GPBP1: variants seen among roughly 807,000 people sequenced by gnomAD.
GPBP1 encodes the protein vasculin.
GPBP1 carries 13 observed loss-of-function variants against 56.5 expected under a neutral mutation model. The ratio of observed to expected loss-of-function variants is 0.23; its 90% CI spans 0.15 to 0.37. GPBP1 has a LOEUF of 0.37. GPBP1 is among the 10% of genes least tolerant of loss of function. GPBP1 has a pLI of 1.00. For synonymous variants in GPBP1, 204 were observed against 188.9 expected (o/e 1.08, Z -0.66); for missense variants, 477 against 572.3 (o/e 0.83, Z 1.70).
intron 8 of GPBP1, among the ~76,000 whole-genome samples, chr5:57,248,070 G>T (rs541877163): frequency 4.6e-5 from 7 of 152,222 alleles, no homozygotes; most frequent in African/African-American, 1.4e-4. Flanking sequence ...AAACAATTAA[G>T]AAAATTGCAA....
At chr5:57,260,313 C>G (rs1741840385) in intron 10 of GPBP1, among the ~76,000 whole-genome samples, 1 of 152,118 alleles carries the variant, frequency 6.6e-6, no homozygotes, top group Non-Finnish European at 1.5e-5. Flanking sequence ...TCAGAATCAC[C>G]TCATCTTTTC....
chr5:57,184,625 C>T (rs1029915870), intron 2 of GPBP1, among the ~76,000 whole-genome samples: 2 of 152,156 alleles, frequency 1.3e-5, no homozygotes, highest in Non-Finnish European at 2.9e-5. Context: ...GTGCCGCCTT[C>T]AACATTGGGG....
Position 57,229,230 on chromosome 5 carries a change from CAAAAAAAAAAAAAAAAAAAAAAA to C in GPBP1, c.64-1601_64-1579del, listed in dbSNP as rs543005934. On this transcript the variant is annotated intron_variant, in intron 3 of 11. Transcript: ENST00000506184. ...TGGGCGACAGAACAAGACTCCATCT[CAAAAAAAAAAAAAAAAAAAAAAA>C]AAAAAAAAAAAAAAGGAGTTGTCTG... Among the ~76,000 whole-genome samples the C allele has an allele frequency of 3.4e-3, 261 of 77,424 alleles. 12 individuals carry two copies. In the East Asian group the frequency reaches 0.042, roughly 12 times the overall value. 50.8% of individuals were successfully genotyped at this position (77,424 alleles called of 152,430 possible). A position where few individuals can be genotyped will look rare whatever the true frequency, so the allele number is the denominator to read the frequency against.
chr5:57,186,647 C>G (rs1754299421), intron 2 of GPBP1, among the ~76,000 whole-genome samples: 1 of 152,106 alleles, frequency 6.6e-6, no homozygotes, highest in African/African-American at 2.4e-5. Flanking sequence ...TAACAGGTCT[C>G]TGCAGCTTTG....
chr5:57,248,021 C>T (rs1741176491), intron 8 of GPBP1, among the ~76,000 whole-genome samples: 5 of 152,154 alleles, frequency 3.3e-5, no homozygotes, highest in Admixed American at 2.6e-4. Flanking sequence ...GGATTACAGG[C>T]ATGATCCACC....
intron 2 of GPBP1, among the ~76,000 whole-genome samples, chr5:57,199,112 T>C (rs1754888192): frequency 6.6e-6 from 1 of 152,226 alleles, no homozygotes; most frequent in Admixed American, 6.5e-5. Context: ...TACAGTTCTT[T>C]TCTGTGTTCT....
At chr5:57,195,915 A>G (rs1001586834) in intron 2 of GPBP1, among the ~76,000 whole-genome samples, 18 of 141,888 alleles carry the variant, frequency 1.3e-4, no homozygotes, top group Admixed American at 1.1e-3. Context: ...AGGCAGAAGA[A>G]TCACCTGAAC....
At chr5:57,195,718 G>A (rs944440693) in intron 2 of GPBP1, among the ~76,000 whole-genome samples, 1 of 151,930 alleles carries the variant, frequency 6.6e-6, no homozygotes, top group Non-Finnish European at 1.5e-5. Flanking sequence ...ACGTTTTTCG[G>A]CTGGGCGCAG....
rs939101424 is a variant in GPBP1 at position 57,231,088 on chromosome 5, T to C, written c.188-10T>C. 3.7e-6 allele frequency: 6 copies of C among 1,607,550 alleles called. No individual in the cohort carries two copies. Among genetic ancestry groups the C allele is most frequent in the Non-Finnish European group, 5.1e-6 (6 of 1,176,400 alleles). On this transcript the variant is annotated splice_polypyrimidine_tract_variant and intron_variant, in intron 4 of 11. Transcript: ENST00000506184. ...TTGAATTTATATTACTTTGCTATTATCAAATAAAGGTAACTTTGGAAGGAA... is the reference window on the plus strand; with the variant it reads ...TTGAATTTATATTACTTTGCTATTACCAAATAAAGGTAACTTTGGAAGGAA...
At chr5:57,237,289 AGAAT>A (rs1740569293) in intron 6 of GPBP1, 2 of 767,320 alleles carry the variant, frequency 2.6e-6, no homozygotes, top group African/African-American at 3.5e-5. Flanking sequence ...GGATTTGATT[AGAAT>A]GAAAGTTTTA....
intron 5 of GPBP1, among the ~76,000 whole-genome samples, chr5:57,234,160 C>A (rs1170865323): frequency 1.3e-5 from 2 of 152,036 alleles, no homozygotes; most frequent in Non-Finnish European, 2.9e-5. Context: ...TGTTAGTAAT[C>A]ATTTTTTAGG....
intron 2 of GPBP1, among the ~76,000 whole-genome samples, chr5:57,198,647 G>A (rs543076028): frequency 4.3e-4 from 66 of 151,918 alleles, no homozygotes; most frequent in African/African-American, 1.6e-3. Context: ...TCAAGAGTTC[G>A]AGACGAGCCT....
chr5:57,214,582 TCAAAACAAAA>T (rs966867917), intron 3 of GPBP1, among the ~76,000 whole-genome samples: 1 of 152,120 alleles, frequency 6.6e-6, no homozygotes, highest in East Asian at 1.9e-4. Context: ...CGAAACTGTC[TCAAAACAAAA>T]CAAAACAAAA....
intron 2 of GPBP1, among the ~76,000 whole-genome samples, chr5:57,179,828 C>A (rs1420296769): frequency 6.6e-6 from 1 of 152,172 alleles, no homozygotes; most frequent in Non-Finnish European, 1.5e-5. Context: ...AAACTCCTAA[C>A]TTCAGATGTC....
intron 3 of GPBP1, chr5:57,230,603 T>C (rs2111851519): frequency 4.3e-6 from 2 of 463,374 alleles, no homozygotes; most frequent in Middle Eastern, 6.0e-4. Context: ...TTTACCTTTA[T>C]ATTTTTTGGA....
At position 57,261,285 on chromosome 5, in the gene GPBP1, A is replaced by C; in HGVS notation, c.1263+3A>C. The C allele has an allele frequency of 6.6e-7, 1 of 1,525,760 alleles. No individual in the cohort carries two copies. Among genetic ancestry groups the C allele is most frequent in the East Asian group, 2.3e-5 (1 of 44,350 alleles). The allele number at this position is 1,525,760 out of a possible 1,614,324, so 94.5% of individuals were successfully genotyped here. A position where few individuals can be genotyped will look rare whatever the true frequency, so the allele number is the denominator to read the frequency against. ...AATTCCAAGTTATTAGTGAACAGGT[A>C]AGAAAACCTGAATCATACAACTTCA... On this transcript the variant is annotated splice_donor_region_variant and intron_variant, in intron 11 of 11. Transcript: ENST00000506184.
At chr5:57,189,554 A>G (rs1390657547) in intron 2 of GPBP1, among the ~76,000 whole-genome samples, 2 of 35,624 alleles carry the variant, frequency 5.6e-5, no homozygotes, top group African/African-American at 2.3e-4. Context: ...CACTGCGCTC[A>G]GCCCACTTTT....
At chr5:57,226,159 G>A (rs1262123217) in intron 3 of GPBP1, among the ~76,000 whole-genome samples, 1 of 152,132 alleles carries the variant, frequency 6.6e-6, no homozygotes, top group East Asian at 1.9e-4. Flanking sequence ...GGTAACTTTT[G>A]GCCCATTTGT....
At position 57,177,648 on chromosome 5, in the gene GPBP1, CTTTTT is replaced by C. The variant is rs58708281; in HGVS notation, c.-58+1274_-58+1278del. On this transcript the variant is annotated intron_variant, in intron 2 of 11. Transcript: ENST00000506184. ...GCCACCACGCTCGGCCAATTTTTGC[CTTTTT>C]TTTTTTTTTTTTTTTTTTTTTTTTT... 4.7e-3 allele frequency among the ~76,000 whole-genome samples: 434 copies of C among 92,264 alleles called. 5 individuals are homozygous for C. Among genetic ancestry groups the C allele is most frequent in the African/African-American group, 0.02 (416 of 21,164 alleles). 60.5% of individuals were successfully genotyped at this position (92,264 alleles called of 152,430 possible).
Sources: gnomAD v4.1 joint callset for allele counts (sites outside exome capture counted in the v4.1 genomes callset) on GRCh38, gnomAD v4.1.1 for gene constraint, MANE v1.5 for transcripts, NCBI Gene and HGNC (gene_info 2026-07-23, HGNC 2026-07-21) for gene names.